DNAH14: variants seen among roughly 807,000 people sequenced by gnomAD.
The protein encoded by DNAH14 is axonemal beta dynein heavy chain 14.
In DNAH14, 478 loss-of-function variants were observed where a neutral mutation model predicts 520.9. That is an observed-to-expected ratio of 0.92 (90% CI 0.85 to 0.99). The LOEUF (loss-of-function observed/expected upper bound fraction) is 0.99, where lower values mean the gene tolerates loss of function less well. Ranked by LOEUF, DNAH14 falls within the 50% of genes least tolerant of loss-of-function variation. DNAH14 has a pLI of 0.00. For missense variants in DNAH14, 4,831 were observed against 5,234.5 expected, an observed-to-expected ratio of 0.92 and a Z score of 2.38; for synonymous variants, 1,581 against 1,757.2, an observed-to-expected ratio of 0.90 and a Z score of 2.51.
intron 1 of DNAH14, among the ~76,000 whole-genome samples, chr1:224,947,340 C>T (rs1023287528): frequency 6.6e-6 from 1 of 152,160 alleles, no homozygotes; most frequent in Non-Finnish European, 1.5e-5. Context: ...GACTCTCCTT[C>T]ATGTTATTTT....
chr1:225,005,872 A>G (rs962427558), intron 9 of DNAH14, among the ~76,000 whole-genome samples: 5 of 152,138 alleles, frequency 3.3e-5, no homozygotes, highest in Admixed American at 1.3e-4. Flanking sequence ...ATAGCATAGT[A>G]GATAGAGATT....
chr1:225,140,978 CTACT>C lies in DNAH14; in HGVS notation c.4468_4471del (p.Leu1490LysfsTer59). The C allele has an allele frequency of 6.4e-7, 1 of 1,550,862 alleles. No individual in the cohort carries two copies. On this transcript the variant is annotated frameshift_variant, in exon 28 of 86. Transcript: ENST00000682510. LOFTEE classifies it high-confidence loss of function. ...CTGCAGAGATATAGTGATAAATTTA[CTACT>C]TAAAAATATCTTCAATGCAGAGGAT...
intron 17 of DNAH14, among the ~76,000 whole-genome samples, chr1:225,058,246 G>C (rs1434934049): frequency 2.0e-5 from 3 of 151,982 alleles, no homozygotes. Flanking sequence ...ACTTCTTCCT[G>C]GTTTAGTCTT....
chr1:225,212,699 T>G (rs979139940), intron 41 of DNAH14, among the ~76,000 whole-genome samples: 9 of 152,294 alleles, frequency 5.9e-5, no homozygotes, highest in Admixed American at 1.3e-4. Context: ...CTGCATAAAT[T>G]TCTTCTTTTG....
At chr1:225,132,522 A>G (rs957965071) in intron 27 of DNAH14, among the ~76,000 whole-genome samples, 29 of 152,124 alleles carry the variant, frequency 1.9e-4, no homozygotes, top group Admixed American at 7.2e-4. Flanking sequence ...TCCCAGATCC[A>G]TCCATGTCCC....
intron 68 of DNAH14, among the ~76,000 whole-genome samples, chr1:225,339,765 CA>C (rs1347659016): frequency 1.3e-5 from 2 of 152,162 alleles, no homozygotes; most frequent in Non-Finnish European, 2.9e-5. Flanking sequence ...CATTAAGCTT[CA>C]ATTTCACCCT....
chr1:225,179,448 A>G (rs1211189520), intron 36 of DNAH14, among the ~76,000 whole-genome samples: 1 of 152,194 alleles, frequency 6.6e-6, no homozygotes, highest in African/African-American at 2.4e-5. Flanking sequence ...ACTCATGACA[A>G]CATAACTTTA....
At chr1:224,947,860 A>G (rs1212110350) in intron 1 of DNAH14, among the ~76,000 whole-genome samples, 3 of 151,844 alleles carry the variant, frequency 2.0e-5, no homozygotes, top group Admixed American at 6.6e-5. Flanking sequence ...TGATTCATCT[A>G]TTTCTACTCT....
intron 54 of DNAH14, among the ~76,000 whole-genome samples, chr1:225,288,142 G>GA (rs2093789985): frequency 6.6e-6 from 1 of 151,930 alleles, no homozygotes; most frequent in East Asian, 1.9e-4. Context: ...CAGGAAGGGG[G>GA]AAAAAAGAGT....
intron 27 of DNAH14, among the ~76,000 whole-genome samples, chr1:225,128,619 C>G (rs954611007): frequency 1.3e-5 from 2 of 151,494 alleles, no homozygotes; most frequent in Non-Finnish European, 2.9e-5. Flanking sequence ...TTCAACAACA[C>G]TTCATGCTAA....
chr1:225,348,752 A>G (rs2095322875), intron 71 of DNAH14, among the ~76,000 whole-genome samples: 1 of 152,226 alleles, frequency 6.6e-6, no homozygotes, highest in Non-Finnish European at 1.5e-5. Context: ...CAAAAGGATA[A>G]TACACAGTAA....
At chr1:225,333,592 T>G in intron 66 of DNAH14, 86 bp downstream of exon 66, 2 of 1,179,234 alleles carry the variant, frequency 1.7e-6, no homozygotes, top group Non-Finnish European at 1.2e-6. Flanking sequence ...GCCTTGGATG[T>G]TGTCCCAAAA....
intron 43 of DNAH14, among the ~76,000 whole-genome samples, chr1:225,243,422 A>T (rs2092088905): frequency 6.6e-6 from 1 of 152,060 alleles, no homozygotes; most frequent in South Asian, 2.1e-4. Flanking sequence ...TTACATTGCA[A>T]GAAAAAATTG....
intron 36 of DNAH14, among the ~76,000 whole-genome samples, chr1:225,177,244 T>C (rs771503191): frequency 3.3e-5 from 5 of 152,126 alleles, no homozygotes; most frequent in Admixed American, 6.5e-5. Context: ...AGAGAAATGA[T>C]TTAGGGTATC....
chr1:225,022,502 T>C (rs1054261020), intron 10 of DNAH14, among the ~76,000 whole-genome samples: 5 of 151,964 alleles, frequency 3.3e-5, no homozygotes, highest in African/African-American at 1.2e-4. Flanking sequence ...ATATTAAAAA[T>C]ATGACCACCA....
At position 225,033,172 on chromosome 1, in the gene DNAH14, T is replaced by C. The variant is rs866907783; in HGVS notation, c.1359-5522T>C. On this transcript the variant is annotated intron_variant, in intron 11 of 85. Coordinates refer to ENST00000682510, the MANE Select transcript of DNAH14 (RefSeq NM_001367479.1). ...TTGCCCATTCCTGTGTCCAGAATGGTACTGCCTAGGTTGTCTTCCAGGGTT... is the reference window on the plus strand; with the variant it reads ...TTGCCCATTCCTGTGTCCAGAATGGCACTGCCTAGGTTGTCTTCCAGGGTT... 6.6e-5 allele frequency among the ~76,000 whole-genome samples: 10 copies of C among 152,206 alleles called. No homozygotes were observed. In the South Asian group the frequency reaches 8.3e-4, roughly 13 times the overall value.
chr1:225,065,319 CCAT>C (rs2070737775), intron 17 of DNAH14, among the ~76,000 whole-genome samples: 3 of 151,660 alleles, frequency 2.0e-5, no homozygotes, highest in Admixed American at 2.0e-4. Context: ...ATTAACATAT[CCAT>C]CATCTCAAAT....
At chr1:225,180,141 G>T (rs4653608) in intron 36 of DNAH14, among the ~76,000 whole-genome samples, 23,450 of 152,084 alleles carry the variant, frequency 0.15, 2,122 homozygotes, top group East Asian at 0.36. Context: ...ACCTGGATAT[G>T]TATATCATTC....
intron 27 of DNAH14, among the ~76,000 whole-genome samples, chr1:225,136,248 G>A (rs1393644747): frequency 6.6e-6 from 1 of 152,122 alleles, no homozygotes; most frequent in Non-Finnish European, 1.5e-5. Context: ...GCTTCATAGT[G>A]TCACTAGTCT....
Sources: allele counts gnomAD v4.1 joint callset (sites outside exome capture counted in the v4.1 genomes callset), GRCh38; gene constraint gnomAD v4.1.1; transcripts MANE v1.5; gene names NCBI Gene and HGNC (gene_info 2026-07-23, HGNC 2026-07-21).